Variants in FMN1 observed in about 807,000 individuals in gnomAD.
FMN1 encodes formin 1.
A neutral mutation model predicts 132.4 loss-of-function variants in FMN1; 110 were observed. The observed-to-expected ratio is 0.83, with a 90% CI of 0.71 to 0.97. The LOEUF (loss-of-function observed/expected upper bound fraction) is 0.97. FMN1 is among the 50% of genes least tolerant of loss of function. The pLI is 0.00. For synonymous variants in FMN1, 722 were observed against 651.7 expected (o/e 1.11, Z -1.64); for missense variants, 1,792 against 1,705.3 (o/e 1.05, Z -0.90).
intron 4 of FMN1, among the ~76,000 whole-genome samples, chr15:33,116,487 G>C (rs973709974): frequency 6.6e-6 from 1 of 152,166 alleles, no homozygotes; most frequent in African/African-American, 2.4e-5. Flanking sequence ...CGGCAGCCCT[G>C]AAGTCATTCT....
chr15:32,882,180 A>C (rs1002641337), intron 16 of FMN1, among the ~76,000 whole-genome samples: 4 of 152,200 alleles, frequency 2.6e-5, no homozygotes, highest in Admixed American at 2.6e-4. Context: ...CCACAGAACG[A>C]AGTGGGGCTT....
At chr15:33,172,092 C>CA (rs1328214023) in intron 3 of FMN1, among the ~76,000 whole-genome samples, 1 of 151,916 alleles carries the variant, frequency 6.6e-6, no homozygotes, top group Non-Finnish European at 1.5e-5. Context: ...CCTGTGGTCC[C>CA]AGCTACTCCG....
chr15:32,811,224 T>C (rs1315562367), intron 17 of FMN1: 6 of 379,596 alleles, frequency 1.6e-5, no homozygotes, highest in African/African-American at 2.1e-5. Flanking sequence ...GACGATATCC[T>C]TGCTGGTCTT....
chr15:32,859,477 C>T (rs957084322), intron 16 of FMN1, among the ~76,000 whole-genome samples: 49 of 152,192 alleles, frequency 3.2e-4, no homozygotes, highest in African/African-American at 1.1e-3. Flanking sequence ...GCTCTCATGC[C>T]ATACATTCTT....
chr15:33,044,969 T>C (rs1469619937), intron 6 of FMN1, among the ~76,000 whole-genome samples: 1 of 152,212 alleles, frequency 6.6e-6, no homozygotes, highest in Non-Finnish European at 1.5e-5. Context: ...GGCTGAAACA[T>C]GCCCCTTGCT....
chr15:32,974,654 G>A (rs536179594), intron 7 of FMN1, among the ~76,000 whole-genome samples: 2 of 152,308 alleles, frequency 1.3e-5, no homozygotes, highest in Non-Finnish European at 2.9e-5. Flanking sequence ...CCTTTGCACA[G>A]GTGTCTTTAA....
intron 7 of FMN1, among the ~76,000 whole-genome samples, chr15:32,970,418 A>T (rs932690602): frequency 6.6e-6 from 1 of 152,202 alleles, no homozygotes; most frequent in Non-Finnish European, 1.5e-5. Context: ...AAACTCCACA[A>T]GATGAAACTG....
intron 4 of FMN1, among the ~76,000 whole-genome samples, chr15:33,141,465 A>G (rs1346401317): frequency 1.3e-5 from 2 of 152,292 alleles, no homozygotes; most frequent in East Asian, 3.9e-4. Context: ...CACGGGTAGG[A>G]TCCCCTGGAA....
intron 10 of FMN1, among the ~76,000 whole-genome samples, chr15:32,918,578 C>A (rs751551300): frequency 3.9e-5 from 6 of 152,158 alleles, no homozygotes; most frequent in Non-Finnish European, 7.4e-5. Context: ...CCTCAAGTTG[C>A]CCAAGGTCTC....
At chr15:33,142,074 G>C (rs771864482) in intron 4 of FMN1, among the ~76,000 whole-genome samples, 3 of 152,120 alleles carry the variant, frequency 2.0e-5, no homozygotes, top group Admixed American at 1.3e-4. Flanking sequence ...TCACCAACAC[G>C]TAATCTAATC....
At chr15:32,785,997 G>T (rs964615142) in intron 19 of FMN1, among the ~76,000 whole-genome samples, 1 of 152,092 alleles carries the variant, frequency 6.6e-6, no homozygotes, top group Non-Finnish European at 1.5e-5. Flanking sequence ...AGATAAAAAT[G>T]GTCTAAAAAA....
intron 16 of FMN1, among the ~76,000 whole-genome samples, chr15:32,886,446 C>G (rs1055437057): frequency 6.6e-6 from 1 of 152,134 alleles, no homozygotes; most frequent in Non-Finnish European, 1.5e-5. Flanking sequence ...CTGAGAGATC[C>G]GGAACGACAA....
chr15:32,947,233 CCATA>C (rs2061529448), intron 9 of FMN1, among the ~76,000 whole-genome samples: 1 of 151,788 alleles, frequency 6.6e-6, no homozygotes, highest in African/African-American at 2.4e-5. Flanking sequence ...CCTTTTTTTG[CCATA>C]TATATTCAAT....
intron 5 of FMN1, among the ~76,000 whole-genome samples, chr15:33,085,118 G>C (rs1020530632): frequency 6.6e-6 from 1 of 151,942 alleles, no homozygotes; most frequent in African/African-American, 2.4e-5. Context: ...TTTACTTTTT[G>C]ATTTCTGTAA....
chr15:32,941,322 T>C (rs1485869211), intron 9 of FMN1, among the ~76,000 whole-genome samples: 1 of 152,210 alleles, frequency 6.6e-6, no homozygotes, highest in Non-Finnish European at 1.5e-5. Flanking sequence ...GAATTGGATT[T>C]TGGAGTCATT....
chr15:32,834,474 TCAGA>T (rs909604157), intron 17 of FMN1, among the ~76,000 whole-genome samples: 1 of 151,982 alleles, frequency 6.6e-6, no homozygotes, highest in African/African-American at 2.4e-5. Context: ...GAGGAAAAAA[TCAGA>T]CAGATAAAAC....
chr15:33,093,721 G>A (rs576862598), intron 4 of FMN1, among the ~76,000 whole-genome samples: 4 of 152,290 alleles, frequency 2.6e-5, no homozygotes, highest in African/African-American at 4.8e-5. Flanking sequence ...ATGGACAGGC[G>A]GAAGGTGTGG....
At chr15:32,928,754 G>A (rs1029975495) in intron 9 of FMN1, among the ~76,000 whole-genome samples, 5 of 152,156 alleles carry the variant, frequency 3.3e-5, no homozygotes, top group African/African-American at 1.2e-4. Flanking sequence ...TTTATGACAA[G>A]ATCACAGCTG....
intron 3 of FMN1, among the ~76,000 whole-genome samples, chr15:33,172,130 C>T (rs1190056603): frequency 6.6e-6 from 1 of 151,836 alleles, no homozygotes; most frequent in African/African-American, 2.4e-5. Flanking sequence ...ATGGCGTGAA[C>T]CTGGAAGGCG....
Sources: gnomAD v4.1 joint callset for allele counts (sites outside exome capture counted in the v4.1 genomes callset) on GRCh38, gnomAD v4.1.1 for gene constraint, MANE v1.5 for transcripts, NCBI Gene and HGNC (gene_info 2026-07-23, HGNC 2026-07-21) for gene names.